The following PHF21A variants were observed in gnomAD, a reference collection of about 807,000 sequenced individuals.
PHF21A encodes the protein BHC80a.
PHF21A carries 11 observed loss-of-function variants against 82.5 expected under a neutral mutation model. The ratio of observed to expected loss-of-function variants is 0.13; its 90% confidence interval spans 0.08 to 0.22. The LOEUF (loss-of-function observed/expected upper bound fraction) is 0.22, where lower values mean the gene tolerates loss of function less well. Ranked by LOEUF, PHF21A falls within the 10% of genes least tolerant of loss-of-function variation. The pLI, the probability that PHF21A is intolerant of heterozygous loss-of-function variation, is 1.00. For missense variants in PHF21A, 579 were observed against 837.8 expected (o/e 0.69, Z 3.81); for synonymous variants, 297 against 302.8 (o/e 0.98, Z 0.20).
In PHF21A at chr11:45,963,345, G is replaced by A. The variant is rs547109436; in HGVS notation, c.996+1970C>T. Among the ~76,000 whole-genome samples, 102 of 151,272 alleles carry A rather than the reference G, an allele frequency of 6.7e-4. 3 individuals are homozygous for A. The highest frequency in any genetic ancestry group is 4.9e-3 in the Admixed American group (74 of 15,196). ...TGAGGCAGGAGAATTGTTTGAATCC[G>A]GGAGGTGGAGGTTGCAGTGAGCTGA... On this transcript the variant is annotated intron_variant, in intron 10 of 18. Transcript: ENST00000676320.
At chr11:45,983,460 G>A (rs2094380693) in intron 6 of PHF21A, among the ~76,000 whole-genome samples, 2 of 152,046 alleles carry the variant, frequency 1.3e-5, no homozygotes, top group South Asian at 4.1e-4. Context: ...TTAGAATACT[G>A]CGTGTGTGGT....
intron 1 of PHF21A, among the ~76,000 whole-genome samples, chr11:46,116,416 T>C (rs996209991): frequency 1.3e-5 from 2 of 152,218 alleles, no homozygotes; most frequent in African/African-American, 2.4e-5. Flanking sequence ...ATGACATCTG[T>C]TACTCTGTCA....
At chr11:46,119,787 TAA>T (rs1229700559) in intron 1 of PHF21A, 2 of 147,814 alleles carry the variant, frequency 1.4e-5, no homozygotes, top group African/African-American at 2.5e-5. Context: ...CTCAGCAGAA[TAA>T]AGAGACCAAA....
chr11:46,085,758 G>A (rs536706337), intron 3 of PHF21A, among the ~76,000 whole-genome samples: 6 of 152,058 alleles, frequency 3.9e-5, no homozygotes, highest in Non-Finnish European at 8.8e-5. Context: ...AGTTTTCTAA[G>A]AGTCCTTTGA....
intron 6 of PHF21A, among the ~76,000 whole-genome samples, chr11:46,004,293 A>C (rs1180194072): frequency 1.3e-5 from 2 of 152,184 alleles, no homozygotes; most frequent in Non-Finnish European, 1.5e-5. Context: ...TCAATTTTCT[A>C]AGAAATGGTC....
chr11:46,010,927 T>C (rs1457618764), intron 6 of PHF21A, among the ~76,000 whole-genome samples: 1 of 152,106 alleles, frequency 6.6e-6, no homozygotes, highest in Non-Finnish European at 1.5e-5. Context: ...CCTACTATAA[T>C]AAATAAGCAT....
At chr11:45,956,859 TA>T (rs894524963) in intron 10 of PHF21A, among the ~76,000 whole-genome samples, 1 of 152,042 alleles carries the variant, frequency 6.6e-6, no homozygotes, top group African/African-American at 2.4e-5. Context: ...ACTCACCAAT[TA>T]AAAGACCGAC....
chr11:46,099,468 C>T (rs540256031), intron 1 of PHF21A, among the ~76,000 whole-genome samples: 3 of 151,032 alleles, frequency 2.0e-5, no homozygotes, highest in African/African-American at 7.3e-5. Context: ...TATAGCACTG[C>T]TGTACTCACT....
intron 15 of PHF21A, among the ~76,000 whole-genome samples, chr11:45,942,321 C>CA (rs1271534905): frequency 1.3e-5 from 2 of 152,066 alleles, no homozygotes; most frequent in Non-Finnish European, 1.5e-5. Context: ...CCAATTGACC[C>CA]AAAAAATACA....
intron 9 of PHF21A, among the ~76,000 whole-genome samples, chr11:45,969,028 C>A (rs2093613131): frequency 6.7e-6 from 1 of 150,342 alleles, no homozygotes; most frequent in Admixed American, 6.7e-5. Context: ...ATCTGATAAA[C>A]AAATGATATC....
intron 3 of PHF21A, among the ~76,000 whole-genome samples, chr11:46,086,683 T>C (rs561830556): frequency 9.8e-5 from 15 of 152,352 alleles, no homozygotes; most frequent in Non-Finnish European, 1.8e-4. Flanking sequence ...TCCAAAATGA[T>C]TCCTTATAAT....
chr11:45,953,467 G>T, intron 11 of PHF21A, 60 bp downstream of exon 11: 2 of 1,002,048 alleles, frequency 2.0e-6, no homozygotes, highest in Non-Finnish European at 3.2e-6. Context: ...GCCCCTCCTG[G>T]TACATGAGAA....
In PHF21A at chr11:45,930,020, GGCC is replaced by G. The variant is rs2087519424; in HGVS notation, c.*3945_*3947del. ...ACCCAGGCCCTGGAAAATGCACCTG[GGCC>G]ACCATCCATCTCATTACCCTAAGAG... On this transcript the variant is annotated 3_prime_UTR_variant, in exon 19 of 19. Transcript: ENST00000676320. The G allele has an allele frequency of 6.6e-6, 1 of 152,228 alleles. No homozygotes were observed. Among genetic ancestry groups the G allele is most frequent in the Non-Finnish European group, 1.5e-5 (1 of 68,068 alleles). The allele number at this position is 152,228 out of a possible 1,614,324, so 9.4% of individuals were successfully genotyped here.
chr11:46,045,258 C>T (rs2096239494), intron 6 of PHF21A, among the ~76,000 whole-genome samples: 1 of 152,134 alleles, frequency 6.6e-6, no homozygotes, highest in South Asian at 2.1e-4. Context: ...CCCTGGTCTA[C>T]CATGTGTGTT....
intron 15 of PHF21A, among the ~76,000 whole-genome samples, chr11:45,941,108 AT>A (rs1371077050): frequency 1.3e-5 from 2 of 151,668 alleles, no homozygotes; most frequent in Non-Finnish European, 2.9e-5. Context: ...TTAAAAAACA[AT>A]TTTTTTTGAG....
At chr11:46,040,792 A>G (rs2096118842) in intron 6 of PHF21A, among the ~76,000 whole-genome samples, 1 of 151,784 alleles carries the variant, frequency 6.6e-6, no homozygotes, top group Non-Finnish European at 1.5e-5. Context: ...CTTTCTCATG[A>G]ATTGATTATT....
chr11:46,072,590 G>A (rs949841801), intron 6 of PHF21A, among the ~76,000 whole-genome samples: 1 of 152,174 alleles, frequency 6.6e-6, no homozygotes, highest in African/African-American at 2.4e-5. Context: ...TTCATTTTGG[G>A]TTTTCAGTCA....
intron 15 of PHF21A, among the ~76,000 whole-genome samples, chr11:45,939,001 T>A (rs927895262): frequency 6.6e-6 from 1 of 152,070 alleles, no homozygotes; most frequent in Non-Finnish European, 1.5e-5. Flanking sequence ...CCCCGACTAA[T>A]TTTTTGTATT....
chr11:45,943,479 C>CCAT (rs1308715898), intron 15 of PHF21A, among the ~76,000 whole-genome samples: 2 of 152,156 alleles, frequency 1.3e-5, no homozygotes, highest in African/African-American at 2.4e-5. Context: ...CCGTGCCTGC[C>CCAT]CATCATCATC....
Sources: gnomAD v4.1 joint callset for allele counts (sites outside exome capture counted in the v4.1 genomes callset) on GRCh38, gnomAD v4.1.1 for gene constraint, MANE v1.5 for transcripts, NCBI Gene and HGNC (gene_info 2026-07-23, HGNC 2026-07-21) for gene names.